The following PTGFRN variants were observed in gnomAD, a reference collection of about 807,000 sequenced individuals.
The protein encoded by PTGFRN is prostaglandin F2 receptor inhibitor.
In PTGFRN, 35 loss-of-function variants were observed where a neutral mutation model predicts 83.2. That is an observed-to-expected ratio of 0.42 (90% CI 0.32 to 0.56). PTGFRN has a LOEUF of 0.56. PTGFRN is among the 20% of genes least tolerant of loss of function. The pLI is 0.11. For synonymous variants in PTGFRN, 519 were observed against 498.6 expected, an observed-to-expected ratio of 1.04 and a Z score of -0.55; for missense variants, 1,051 against 1,179.5, an observed-to-expected ratio of 0.89 and a Z score of 1.60.
chr1:116,957,104 A>ACT lies in PTGFRN; in HGVS notation c.1214-4118_1214-4117dup, dbSNP rs35590261. 4.1e-4 allele frequency among the ~76,000 whole-genome samples: 58 copies of ACT among 139,772 alleles called. 1 individual carries two copies. The highest frequency in any genetic ancestry group is 7.5e-3 in the Middle Eastern group (2 of 268). 91.7% of individuals were successfully genotyped at this position (139,772 alleles called of 152,430 possible). ...TGGCTGTGTTTGGAACAAGGTTTTA[A>ACT]CTCTCTCTCTCTCTCTCTCTCTTTC... is the stretch of plus-strand genomic sequence containing the variant. On this transcript the variant is annotated intron_variant, in intron 4 of 8. Transcript: ENST00000393203.
At chr1:116,985,262 A>C (rs906015369) in intron 8 of PTGFRN, among the ~76,000 whole-genome samples, 1 of 152,162 alleles carries the variant, frequency 6.6e-6, no homozygotes, top group African/African-American at 2.4e-5. Context: ...AATTTATAGA[A>C]ACTCGCTTTA....
chr1:116,962,747 G>A (rs1293391719), intron 5 of PTGFRN, among the ~76,000 whole-genome samples: 1 of 152,084 alleles, frequency 6.6e-6, no homozygotes, highest in African/African-American at 2.4e-5. Flanking sequence ...CTGTCTTTCT[G>A]TACCGCTCCG....
chr1:116,956,938 CG>C (rs1650514626), intron 4 of PTGFRN, among the ~76,000 whole-genome samples: 1 of 151,772 alleles, frequency 6.6e-6, no homozygotes, highest in Non-Finnish European at 1.5e-5. Flanking sequence ...GTAGAATGTG[CG>C]AGACTTAGGA....
Position 116,923,962 on chromosome 1 carries a change from G to A in PTGFRN, c.49+13710G>A, listed in dbSNP as rs995958630. ...GGATGACACACACACAGGAAGAGAGGTGGCATGGACGAAGTGTCATCCAAG... is the reference window on the plus strand; with the variant it reads ...GGATGACACACACACAGGAAGAGAGATGGCATGGACGAAGTGTCATCCAAG... On this transcript the variant is annotated intron_variant, in intron 1 of 8. Transcript: ENST00000393203. The surrounding 1 kb of genome is among the most constrained non-coding windows in gnomAD (Gnocchi z 4.0). Among the ~76,000 whole-genome samples, 32 of 152,226 alleles carry A rather than the reference G, an allele frequency of 2.1e-4. No individual in the cohort carries two copies. The highest frequency in any genetic ancestry group is 3.4e-3 in the Middle Eastern group (1 of 294).
intron 6 of PTGFRN, among the ~76,000 whole-genome samples, chr1:116,973,580 G>A (rs1041087730): frequency 1.3e-4 from 19 of 146,956 alleles, no homozygotes; most frequent in Non-Finnish European, 2.5e-4. Flanking sequence ...ACTCCAGCCT[G>A]CGTGACAGAG....
chr1:116,978,456 C>T (rs1448830951), intron 7 of PTGFRN, among the ~76,000 whole-genome samples: 6 of 152,208 alleles, frequency 3.9e-5, no homozygotes, highest in South Asian at 2.1e-4. Context: ...TGATGAACAT[C>T]GATGCAAAAA....
chr1:116,914,627 G>T (rs1304450236), intron 1 of PTGFRN, among the ~76,000 whole-genome samples: 1 of 152,030 alleles, frequency 6.6e-6, no homozygotes, highest in Non-Finnish European at 1.5e-5. Flanking sequence ...GGTGGCATGT[G>T]CCTGTGGTTC....
chr1:116,978,351 A>T (rs574986580), intron 7 of PTGFRN, among the ~76,000 whole-genome samples: 2 of 152,330 alleles, frequency 1.3e-5, no homozygotes, highest in Admixed American at 6.5e-5. Context: ...AAAAAGAGGG[A>T]ATCCTCCCTA....
chr1:116,916,951 C>G (rs1427684281), intron 1 of PTGFRN, among the ~76,000 whole-genome samples: 1 of 152,018 alleles, frequency 6.6e-6, no homozygotes, highest in African/African-American at 2.4e-5. Context: ...TTGGAAATGC[C>G]TGCAGTGAGG....
intron 5 of PTGFRN, among the ~76,000 whole-genome samples, chr1:116,962,665 C>T (rs1557744673): frequency 6.6e-6 from 1 of 152,140 alleles, no homozygotes; most frequent in Non-Finnish European, 1.5e-5. Context: ...CTACATTAGA[C>T]CGTCTCCCTT....
intron 2 of PTGFRN, among the ~76,000 whole-genome samples, chr1:116,942,348 G>A (rs987168194): frequency 6.6e-6 from 1 of 152,204 alleles, no homozygotes; most frequent in African/African-American, 2.4e-5. Context: ...CCAGTGAGGT[G>A]GAGGCAGCAT....
intron 6 of PTGFRN, among the ~76,000 whole-genome samples, chr1:116,968,318 A>G (rs1650896651): frequency 6.6e-6 from 1 of 152,132 alleles, no homozygotes; most frequent in Non-Finnish European, 1.5e-5. Flanking sequence ...GAATTAAATG[A>G]TTAGCATTTA....
In PTGFRN at chr1:116,980,048, G is replaced by T. The variant is rs568106678; in HGVS notation, c.2168-4632G>T. Reference sequence around the variant, plus strand: ...AAAAAACAACCCCATCAAAAAGTGGGCAAAGGATATGAGCAGACACTTCTC... The same window carrying T: ...AAAAAACAACCCCATCAAAAAGTGGTCAAAGGATATGAGCAGACACTTCTC... On this transcript the variant is annotated intron_variant, in intron 7 of 8. Transcript: ENST00000393203. Among the ~76,000 whole-genome samples the T allele has an allele frequency of 4.8e-3, 737 of 152,276 alleles. 5 individuals are homozygous for T. The highest frequency in any genetic ancestry group is 0.017 in the African/African-American group (708 of 41,548).
At chr1:116,925,814 T>C (rs1358870520) in intron 1 of PTGFRN, among the ~76,000 whole-genome samples, 1 of 152,192 alleles carries the variant, frequency 6.6e-6, no homozygotes, top group Non-Finnish European at 1.5e-5. Context: ...CTCATCAACT[T>C]TCCGTGATGA....
At chr1:116,954,121 G>T (rs752458353) in intron 4 of PTGFRN, among the ~76,000 whole-genome samples, 5 of 152,100 alleles carry the variant, frequency 3.3e-5, no homozygotes, top group Non-Finnish European at 7.4e-5. Flanking sequence ...GCCTCCCAAA[G>T]TGCTGGGATT....
chr1:116,934,024 T>A (rs1489962086), intron 1 of PTGFRN, among the ~76,000 whole-genome samples: 1 of 152,234 alleles, frequency 6.6e-6, no homozygotes, highest in Non-Finnish European at 1.5e-5. Context: ...GTGACACATA[T>A]GTTTGGCCTT....
intron 1 of PTGFRN, among the ~76,000 whole-genome samples, chr1:116,926,559 C>T (rs1252554026): frequency 6.6e-6 from 1 of 152,154 alleles, no homozygotes; most frequent in Non-Finnish European, 1.5e-5. Context: ...GTGGTTTTTG[C>T]ATCTTTTTTT....
At chr1:116,972,143 G>T (rs111981583) in intron 6 of PTGFRN, among the ~76,000 whole-genome samples, 1 of 152,326 alleles carries the variant, frequency 6.6e-6, no homozygotes, top group African/African-American at 2.4e-5. Flanking sequence ...ACTGCTCCAG[G>T]CAGAGCAAGT....
chr1:116,944,477 G>A (rs4638114), intron 2 of PTGFRN, among the ~76,000 whole-genome samples: 1 of 152,052 alleles, frequency 6.6e-6, no homozygotes, highest in Non-Finnish European at 1.5e-5. Context: ...CTAGCATGGG[G>A]TTTTTTTGGT....
Sources: allele counts gnomAD v4.1 joint callset (sites outside exome capture counted in the v4.1 genomes callset), GRCh38; gene constraint gnomAD v4.1.1; non-coding constraint Gnocchi (gnomAD v3.1); transcripts MANE v1.5; gene names NCBI Gene and HGNC (gene_info 2026-07-23, HGNC 2026-07-21).